The following LHFPL6 variants were observed in gnomAD, a reference collection of about 807,000 sequenced individuals.
LHFPL6 encodes the protein LHFPL tetraspan subfamily member 6, also known as LHFPL tetraspan subfamily member 6 protein.
LHFPL6 carries 9 observed loss-of-function variants against 20.6 expected under a neutral mutation model. The ratio of observed to expected loss-of-function variants is 0.44; its 90% CI spans 0.26 to 0.76. The LOEUF is 0.76. Among genes scored for constraint, LHFPL6 ranks in the 30% least tolerant of loss-of-function variants. The pLI is 0.20. For missense variants in LHFPL6, 218 were observed against 253.5 expected (o/e 0.86, Z 0.95); for synonymous variants, 105 against 98.7 (o/e 1.06, Z -0.38).
intron 2 of LHFPL6, among the ~76,000 whole-genome samples, chr13:39,530,267 A>T (rs913927125): frequency 6.8e-6 from 1 of 146,208 alleles, no homozygotes; most frequent in African/African-American, 2.5e-5. Context: ...AAAAAGTATT[A>T]AAAAAAAAAA....
rs774101101 is a variant in LHFPL6 at position 39,601,145 on chromosome 13, G to A, written c.72C>T (p.Cys24=). 11 of 1,614,104 alleles carry A rather than the reference G, an allele frequency of 6.8e-6. No individual in the cohort carries two copies. Among genetic ancestry groups the A allele is most frequent in the African/African-American group, 5.3e-5 (4 of 75,034 alleles). Residue 24 remains cysteine, a synonymous_variant, in exon 2 of 4, where the codon TGC becomes TGT. Transcript: ENST00000379589. ...LLSFLCAATS[C]VGFFMPYWLW... ...GCCAGTAAGGCATAAAGAACCCCACGCAGGAGGTGGCAGCACAAAGAAAAG... is the reference window on the plus strand; with the variant it reads ...GCCAGTAAGGCATAAAGAACCCCACACAGGAGGTGGCAGCACAAAGAAAAG...
At chr13:39,426,512 G>A (rs1046426059) in intron 2 of LHFPL6, among the ~76,000 whole-genome samples, 8 of 152,048 alleles carry the variant, frequency 5.3e-5, no homozygotes, top group African/African-American at 1.4e-4. Flanking sequence ...GAGCCATCGC[G>A]CCTGGCCTAA....
chr13:39,599,904 A>G (rs904230141), intron 2 of LHFPL6, among the ~76,000 whole-genome samples: 1 of 152,224 alleles, frequency 6.6e-6, no homozygotes, highest in African/African-American at 2.4e-5. Context: ...TGAAGTTCCA[A>G]ATACATTGTA....
At chr13:39,381,882 A>T (rs972784261) in intron 2 of LHFPL6, among the ~76,000 whole-genome samples, 1 of 151,734 alleles carries the variant, frequency 6.6e-6, no homozygotes, top group African/African-American at 2.4e-5. Flanking sequence ...TGAGGTACAG[A>T]AACAGATGGA....
chr13:39,458,287 G>A (rs906721687), intron 2 of LHFPL6, among the ~76,000 whole-genome samples: 1 of 151,926 alleles, frequency 6.6e-6, no homozygotes, highest in African/African-American at 2.4e-5. Flanking sequence ...AAGCAAAATA[G>A]TAGAAAAGTA....
intron 2 of LHFPL6, among the ~76,000 whole-genome samples, chr13:39,514,591 G>GC (rs748819711): frequency 3.9e-5 from 6 of 152,166 alleles, no homozygotes; most frequent in Admixed American, 6.5e-5. Context: ...AGAAATGTGA[G>GC]CCCCAAACTC....
chr13:39,505,755 C>T (rs1423402793), intron 2 of LHFPL6, among the ~76,000 whole-genome samples: 1 of 152,168 alleles, frequency 6.6e-6, no homozygotes, highest in Non-Finnish European at 1.5e-5. Context: ...TCTCTTGGTT[C>T]CTTCTAAAGC....
rs550858511 is a variant in LHFPL6, at chr13:39,416,834, G to C, written c.386-38308C>G. Reference sequence around the variant, plus strand: ...TTTCCTCCTAAAGTTGTTAAAACCTGAGTTCTGCTAGTCCCAGCACCTATT... The same window carrying C: ...TTTCCTCCTAAAGTTGTTAAAACCTCAGTTCTGCTAGTCCCAGCACCTATT... On this transcript the variant is annotated intron_variant, in intron 2 of 3. Transcript: ENST00000379589. Among the ~76,000 whole-genome samples, 11 of 152,088 alleles carry C rather than the reference G, an allele frequency of 7.2e-5. No individual in the cohort carries two copies. The East Asian group carries it at 2.1e-3, about 29-fold the overall frequency.
intron 2 of LHFPL6, among the ~76,000 whole-genome samples, chr13:39,574,837 C>T (rs1449094759): frequency 2.0e-5 from 3 of 152,018 alleles, no homozygotes; most frequent in East Asian, 3.9e-4. Context: ...TTTGGGAGGC[C>T]GAGATGGGTG....
chr13:39,474,807 T>A (rs1188265298), intron 2 of LHFPL6, among the ~76,000 whole-genome samples: 2 of 151,758 alleles, frequency 1.3e-5, no homozygotes, highest in African/African-American at 4.8e-5. Flanking sequence ...CAGCGATGCA[T>A]CTCACACAAC....
chr13:39,352,941 G>GTGTA (rs1869625815), intron 3 of LHFPL6, among the ~76,000 whole-genome samples: 1 of 41,750 alleles, frequency 2.4e-5, no homozygotes, highest in Non-Finnish European at 4.5e-5. Flanking sequence ...ATATATGTGT[G>GTGTA]TATATATATA....
At chr13:39,484,144 C>G (rs1215200018) in intron 2 of LHFPL6, among the ~76,000 whole-genome samples, 1 of 152,172 alleles carries the variant, frequency 6.6e-6, no homozygotes, top group Admixed American at 6.5e-5. Flanking sequence ...TTTCCCCAAT[C>G]CTATCTTCTC....
chr13:39,594,433 G>A (rs1196483237), intron 2 of LHFPL6, among the ~76,000 whole-genome samples: 1 of 152,200 alleles, frequency 6.6e-6, no homozygotes, highest in Non-Finnish European at 1.5e-5. Context: ...TCTCATACCA[G>A]TTAGAATGGC....
At chr13:39,444,684 G>A (rs865836451) in intron 2 of LHFPL6, among the ~76,000 whole-genome samples, 1 of 152,180 alleles carries the variant, frequency 6.6e-6, no homozygotes, top group East Asian at 1.9e-4. Flanking sequence ...TCCATATGGT[G>A]CTAATTCTGA....
intron 2 of LHFPL6, among the ~76,000 whole-genome samples, chr13:39,583,584 C>T (rs1872355483): frequency 6.6e-6 from 1 of 152,132 alleles, no homozygotes; most frequent in South Asian, 2.1e-4. Flanking sequence ...TTTTCTCTTT[C>T]CAAATTACAA....
chr13:39,544,202 C>T (rs1043022739), intron 2 of LHFPL6, among the ~76,000 whole-genome samples: 2 of 152,068 alleles, frequency 1.3e-5, no homozygotes, highest in African/African-American at 2.4e-5. Flanking sequence ...ATAACAAGTA[C>T]AATTTGAAAG....
In LHFPL6 at chr13:39,498,970, C is replaced by T. The variant is rs113474054; in HGVS notation, c.385+101862G>A. Among the ~76,000 whole-genome samples, 406 of 152,332 alleles carry T rather than the reference C, an allele frequency of 2.7e-3. 1 individual carries two copies. Among genetic ancestry groups the T allele is most frequent in the African/African-American group, 9.5e-3 (394 of 41,574 alleles). ...CCACCTCCCAGGTTCGACTGATTCTCCTCCCTCAGCCCCCCAGGTAGCTGG... is the reference window on the plus strand; with the variant it reads ...CCACCTCCCAGGTTCGACTGATTCTTCTCCCTCAGCCCCCCAGGTAGCTGG... On this transcript the variant is annotated intron_variant, in intron 2 of 3. Transcript: ENST00000379589.
At chr13:39,412,069 GT>G (rs1193164497) in intron 2 of LHFPL6, among the ~76,000 whole-genome samples, 6 of 152,150 alleles carry the variant, frequency 3.9e-5, no homozygotes, top group African/African-American at 1.2e-4. Flanking sequence ...AAGCTGACTG[GT>G]AATATCTACT....
At chr13:39,534,003 C>T (rs985733126) in intron 2 of LHFPL6, among the ~76,000 whole-genome samples, 2 of 152,042 alleles carry the variant, frequency 1.3e-5, no homozygotes, top group South Asian at 2.1e-4. Context: ...TAGTTAGGAA[C>T]GTTCAGAAAT....
Sources: gnomAD v4.1 joint callset for allele counts (sites outside exome capture counted in the v4.1 genomes callset) on GRCh38, gnomAD v4.1.1 for gene constraint, MANE v1.5 for transcripts, NCBI Gene and HGNC (gene_info 2026-07-23, HGNC 2026-07-21) for gene names.